The following HIBCH variants were observed in gnomAD, a reference collection of about 807,000 sequenced individuals.
The protein encoded by HIBCH is 3-hydroxyisobutyryl-CoA hydrolase.
In HIBCH, 50 loss-of-function variants were observed where a neutral mutation model predicts 58.2. The ratio of observed to expected loss-of-function variants is 0.86; its 90% confidence interval spans 0.68 to 1.09. The LOEUF is 1.09. Ranked by LOEUF, HIBCH falls within the 50% of genes least tolerant of loss-of-function variation. The pLI is 0.00. For missense variants in HIBCH, 450 were observed against 449.7 expected (o/e 1.00, Z -0.01); for synonymous variants, 151 against 146.9 (o/e 1.03, Z -0.20).
chr2:190,225,854 T>C (rs1424046806), intron 11 of HIBCH, among the ~76,000 whole-genome samples: 1 of 152,140 alleles, frequency 6.6e-6, no homozygotes, highest in Non-Finnish European at 1.5e-5. Flanking sequence ...TGATGAACAT[T>C]GATGCAAAAA....
chr2:190,287,389 T>C (rs1032700325), intron 6 of HIBCH, among the ~76,000 whole-genome samples, 197 bp downstream of exon 6: 1 of 152,176 alleles, frequency 6.6e-6, no homozygotes, highest in African/African-American at 2.4e-5. Context: ...ACATAAAATA[T>C]TCTTTTGGGC....
intron 4 of HIBCH, among the ~76,000 whole-genome samples, chr2:190,291,231 A>T (rs1406315362): frequency 6.6e-6 from 1 of 152,212 alleles, no homozygotes; most frequent in African/African-American, 2.4e-5. Context: ...CACCTACTAC[A>T]TACCAAGTAA....
At chr2:190,262,175 AAAG>A (rs1282623353) in intron 6 of HIBCH, among the ~76,000 whole-genome samples, 9 of 150,102 alleles carry the variant, frequency 6.0e-5, no homozygotes, top group African/African-American at 2.0e-4. Context: ...AAAAAAAAAA[AAAG>A]AAAAGAAAAG....
At chr2:190,301,126 T>A (rs1423879811) in intron 2 of HIBCH, among the ~76,000 whole-genome samples, 1 of 152,236 alleles carries the variant, frequency 6.6e-6, no homozygotes, top group Non-Finnish European at 1.5e-5. Context: ...ACTTTCCTCC[T>A]GGAACCCAAC....
intron 9 of HIBCH, among the ~76,000 whole-genome samples, chr2:190,246,615 C>A (rs923227099): frequency 6.6e-6 from 1 of 152,196 alleles, no homozygotes; most frequent in Non-Finnish European, 1.5e-5. Context: ...AGAGAAAGCA[C>A]CTCTCAAGGA....
intron 1 of HIBCH, among the ~76,000 whole-genome samples, chr2:190,198,746 T>C (rs1465139862): frequency 6.6e-5 from 10 of 151,930 alleles, no homozygotes; most frequent in Admixed American, 2.0e-4. Context: ...ATCTCATTCA[T>C]AGAGATTACC....
At chr2:190,205,605 G>A (rs1690371334) in intron 13 of HIBCH, among the ~76,000 whole-genome samples, 1 of 152,082 alleles carries the variant, frequency 6.6e-6, no homozygotes, top group African/African-American at 2.4e-5. Flanking sequence ...GGCAGGGGAG[G>A]GCAGAGGGAC....
chr2:190,318,787 G>A (rs1428428075), intron 1 of HIBCH, among the ~76,000 whole-genome samples: 1 of 152,048 alleles, frequency 6.6e-6, no homozygotes, highest in African/African-American at 2.4e-5. Context: ...CCATGAGCTG[G>A]TGCAAGGACA....
At chr2:190,227,308 A>G (rs78187364) in intron 11 of HIBCH, among the ~76,000 whole-genome samples, 45,746 of 152,118 alleles carry the variant, frequency 0.3, 7,764 homozygotes, top group East Asian at 0.46. Flanking sequence ...TGACAAAAAG[A>G]AGAAATGGGG....
intron 2 of HIBCH, among the ~76,000 whole-genome samples, chr2:190,300,976 G>A (rs1169526191): frequency 6.6e-6 from 1 of 151,638 alleles, no homozygotes; most frequent in East Asian, 1.9e-4. Context: ...CTGAATGGCT[G>A]TAAGTTAGTC....
intron 6 of HIBCH, among the ~76,000 whole-genome samples, chr2:190,267,533 C>T (rs1247518642): frequency 6.6e-6 from 1 of 152,056 alleles, no homozygotes; most frequent in African/African-American, 2.4e-5. Flanking sequence ...AAATATCATA[C>T]CAGTAGAGTT....
Position 190,246,169 on chromosome 2 carries a change from A to G in HIBCH, c.794T>C (p.Met265Thr), listed in dbSNP as rs201049927. The G allele has an allele frequency of 1.5e-4, 239 of 1,584,322 alleles. No homozygotes were observed. Among genetic ancestry groups the G allele is most frequent in the Non-Finnish European group, 2.0e-4 (231 of 1,153,854 alleles). ...RDKSFILEEH[M>T]DKINSCFSAN... Reference sequence around the variant, plus strand: ...TTTTAGGTACCTGTTTATTTTGTCCATGTGTTCCTCAAGTATAAAAGACTT... The same window carrying G: ...TTTTAGGTACCTGTTTATTTTGTCCGTGTGTTCCTCAAGTATAAAAGACTT... The change falls in exon 10 of 14, where the codon ATG (methionine) becomes ACG (threonine). Residue 265 changes from methionine (M) to threonine (T), a missense_variant. Physicochemically the swap from Met to Thr is moderately conservative, Grantham distance 81. Coordinates refer to ENST00000359678, the MANE Select transcript of HIBCH (RefSeq NM_014362.4).
At chr2:190,265,017 G>C (rs2105956643) in intron 6 of HIBCH, among the ~76,000 whole-genome samples, 1 of 151,526 alleles carries the variant, frequency 6.6e-6, no homozygotes, top group South Asian at 2.1e-4. Flanking sequence ...TAGCTACTCG[G>C]GAGGCTGAGG....
At chr2:190,194,412 T>C (rs1259799137) in intron 1 of HIBCH, among the ~76,000 whole-genome samples, 2 of 151,910 alleles carry the variant, frequency 1.3e-5, no homozygotes, top group Non-Finnish European at 2.9e-5. Flanking sequence ...TAGACTGTTT[T>C]TCAGAGCAGT....
downstream of HIBCH, among the ~76,000 whole-genome samples, chr2:190,199,503 AG>A (rs1196194452): frequency 6.6e-6 from 1 of 152,160 alleles, no homozygotes. Context: ...CTTGAAAAAA[AG>A]TTTTCCTATT....
chr2:190,309,752 G>T (rs962198738), intron 2 of HIBCH, among the ~76,000 whole-genome samples: 1 of 151,706 alleles, frequency 6.6e-6, no homozygotes. Context: ...GCAGAGATGG[G>T]GTTTCACAGT....
chr2:190,231,796 T>G (rs951439995), intron 11 of HIBCH, among the ~76,000 whole-genome samples: 4 of 151,994 alleles, frequency 2.6e-5, no homozygotes, highest in African/African-American at 9.7e-5. Context: ...AAATATGACA[T>G]TATGTATACA....
intron 2 of HIBCH, among the ~76,000 whole-genome samples, chr2:190,307,450 T>A (rs1406884078): frequency 6.6e-6 from 1 of 152,172 alleles, no homozygotes; most frequent in Non-Finnish European, 1.5e-5. Context: ...GGCAGGAAGA[T>A]CATTTGTGCC....
intron 11 of HIBCH, among the ~76,000 whole-genome samples, chr2:190,242,140 T>C (rs1686472190): frequency 6.6e-6 from 1 of 152,070 alleles, no homozygotes; most frequent in Non-Finnish European, 1.5e-5. Flanking sequence ...CCTACATTTC[T>C]TGGAGGCTTT....
Sources: allele counts gnomAD v4.1 joint callset (sites outside exome capture counted in the v4.1 genomes callset), GRCh38; gene constraint gnomAD v4.1.1; transcripts MANE v1.5; gene names NCBI Gene and HGNC (gene_info 2026-07-23, HGNC 2026-07-21).